The following PTPRR variants were observed in gnomAD, a reference collection of about 807,000 sequenced individuals.
PTPRR encodes the protein receptor-type tyrosine-protein phosphatase R.
In PTPRR, 38 loss-of-function variants were observed where a neutral mutation model predicts 77.2. That is an observed-to-expected ratio of 0.49 (90% CI 0.38 to 0.65). The LOEUF (loss-of-function observed/expected upper bound fraction) is 0.65. Ranked by LOEUF, PTPRR falls within the 30% of genes least tolerant of loss-of-function variation. The pLI, the probability that PTPRR is intolerant of heterozygous loss-of-function variation, is 0.00. For synonymous variants in PTPRR, 299 were observed against 283.1 expected (o/e 1.06, Z -0.57); for missense variants, 744 against 799.2 (o/e 0.93, Z 0.83).
At chr12:70,765,792 G>T (rs1209921196) in intron 2 of PTPRR, among the ~76,000 whole-genome samples, 1 of 152,172 alleles carries the variant, frequency 6.6e-6, no homozygotes, top group Admixed American at 6.5e-5. Flanking sequence ...ACCTCACACA[G>T]CCGGGTACTC....
At chr12:70,748,250 C>G (rs1890275136) in intron 5 of PTPRR, among the ~76,000 whole-genome samples, 1 of 152,132 alleles carries the variant, frequency 6.6e-6, no homozygotes, top group African/African-American at 2.4e-5. Context: ...AACCTAGAAT[C>G]CAAGTTTTGT....
chr12:70,773,014 G>A (rs1463663349), intron 2 of PTPRR, among the ~76,000 whole-genome samples: 2 of 152,076 alleles, frequency 1.3e-5, no homozygotes, highest in Non-Finnish European at 1.5e-5. Flanking sequence ...AGCTTCTGGT[G>A]TTTGCCAGCA....
chr12:70,836,592 C>T (rs181979332), intron 2 of PTPRR, among the ~76,000 whole-genome samples: 92 of 152,066 alleles, frequency 6.0e-4, no homozygotes, highest in African/African-American at 2.2e-3. Flanking sequence ...CCATTAGGAT[C>T]ACTATGTTCA....
Position 70,673,019 on chromosome 12 carries a change from G to A in PTPRR, c.1498-10414C>T, listed in dbSNP as rs116383369. 81 of 1,031,314 alleles carry A rather than the reference G, an allele frequency of 7.9e-5. No homozygotes were observed. In the African/African-American group the frequency reaches 9.6e-4, roughly 12 times the overall value. The allele number at this position is 1,031,314 out of a possible 1,614,324, so 63.9% of individuals were successfully genotyped here. On this transcript the variant is annotated intron_variant, in intron 10 of 13. Transcript: ENST00000283228. Reference sequence around the variant, plus strand: ...GGATAGAGCTCTCTTCAATAAATACGTCGGGCCAAAGCAAAAAAAAAAAAA... The same window carrying A: ...GGATAGAGCTCTCTTCAATAAATACATCGGGCCAAAGCAAAAAAAAAAAAA...
chr12:70,780,355 A>G (rs900998203), intron 2 of PTPRR, among the ~76,000 whole-genome samples: 2 of 152,200 alleles, frequency 1.3e-5, no homozygotes, highest in Non-Finnish European at 2.9e-5. Context: ...AATTAAATTC[A>G]AATGTATCCA....
At chr12:70,691,998 T>C (rs1410999182) in intron 8 of PTPRR, among the ~76,000 whole-genome samples, 2 of 152,222 alleles carry the variant, frequency 1.3e-5, no homozygotes, top group African/African-American at 2.4e-5. Context: ...CTGTAAATCA[T>C]TACCTCTATA....
At chr12:70,801,983 C>T (rs921726672) in intron 2 of PTPRR, among the ~76,000 whole-genome samples, 9 of 152,030 alleles carry the variant, frequency 5.9e-5, no homozygotes, top group Admixed American at 2.0e-4. Context: ...GCAGGGGTGT[C>T]GCAGAGTAGG....
chr12:70,816,604 TA>T (rs1891906712), intron 2 of PTPRR, among the ~76,000 whole-genome samples: 3 of 152,062 alleles, frequency 2.0e-5, no homozygotes, highest in African/African-American at 4.8e-5. Flanking sequence ...CTTTTATAAA[TA>T]AACCAGCACA....
At position 70,834,815 on chromosome 12, in the gene PTPRR, C is replaced by T. The variant is rs557480048; in HGVS notation, c.357+57864G>A. The stretch of plus-strand genomic sequence containing the variant: ...ATTTATCATTCTACAGATAAGGCAT[C>T]CTGATCATTTGCCTTCCTGGCTAGA... On this transcript the variant is annotated intron_variant, in intron 2 of 13. Transcript: ENST00000283228. Among the ~76,000 whole-genome samples the T allele has an allele frequency of 2.8e-3, 421 of 152,160 alleles. 1 individual carries two copies. Among genetic ancestry groups the T allele is most frequent in the Non-Finnish European group, 3.9e-3 (266 of 67,948 alleles).
chr12:70,710,788 A>C (rs1032337048), intron 6 of PTPRR, among the ~76,000 whole-genome samples: 6 of 152,216 alleles, frequency 3.9e-5, no homozygotes, highest in Non-Finnish European at 8.8e-5. Context: ...GTCAACAATC[A>C]TATGAAAAAA....
intron 4 of PTPRR, among the ~76,000 whole-genome samples, chr12:70,761,208 T>C (rs1408763482): frequency 6.6e-6 from 1 of 152,198 alleles, no homozygotes; most frequent in Non-Finnish European, 1.5e-5. Context: ...GAAAATTTAC[T>C]GGATAAGTCA....
intron 2 of PTPRR, among the ~76,000 whole-genome samples, chr12:70,854,489 T>C (rs115248446): frequency 0.015 from 2,216 of 152,348 alleles, 59 homozygotes; most frequent in African/African-American, 0.05. Context: ...AAGAGGTGTA[T>C]GCTTAGTGTT....
intron 4 of PTPRR, among the ~76,000 whole-genome samples, chr12:70,760,684 T>C (rs71454293): frequency 2.0e-5 from 3 of 152,332 alleles, no homozygotes; most frequent in Admixed American, 6.5e-5. Context: ...GCCTCTCTTG[T>C]TCTGTCACCT....
rs536381944 is a variant in PTPRR at position 70,672,388 on chromosome 12, C to A, written c.1498-9783G>T. On this transcript the variant is annotated intron_variant, in intron 10 of 13. Transcript: ENST00000283228. ...TCCCATCAGAGAGCCAGGAGGTAGA[C>A]TGGGAAGTGGAGCAGCTGTGGTCAT... 304 of 1,257,744 alleles carry A rather than the reference C, an allele frequency of 2.4e-4. 3 individuals carry two copies. The South Asian group carries it at 3.4e-3, about 14-fold the overall frequency. The allele number at this position is 1,257,744 out of a possible 1,614,324, so 77.9% of individuals were successfully genotyped here. A position where few individuals can be genotyped will look rare whatever the true frequency, so the allele number is the denominator to read the frequency against.
At chr12:70,831,897 C>G (rs551124014) in intron 2 of PTPRR, among the ~76,000 whole-genome samples, 1 of 152,306 alleles carries the variant, frequency 6.6e-6, no homozygotes, top group Admixed American at 6.5e-5. Flanking sequence ...TTGTAGCACT[C>G]TAATTATATT....
chr12:70,733,443 AAAGAAAG>A (rs1565672241), intron 6 of PTPRR, among the ~76,000 whole-genome samples: 172 of 92,596 alleles, frequency 1.9e-3, no homozygotes, highest in Non-Finnish European at 3.2e-3. Context: ...AAAAAAAAAA[AAAGAAAG>A]AAAAAAAGAA....
At chr12:70,726,938 C>T (rs1454715407) in intron 6 of PTPRR, among the ~76,000 whole-genome samples, 1 of 151,878 alleles carries the variant, frequency 6.6e-6, no homozygotes, top group African/African-American at 2.4e-5. Context: ...TCCAATATTT[C>T]TAAGATTTGT....
intron 8 of PTPRR, among the ~76,000 whole-genome samples, chr12:70,697,499 T>C (rs549224098): frequency 2.6e-5 from 4 of 152,282 alleles, no homozygotes; most frequent in African/African-American, 2.4e-5. Context: ...TTTATTTTCT[T>C]CCATTCTATG....
intron 2 of PTPRR, among the ~76,000 whole-genome samples, chr12:70,886,721 CAT>C (rs1893246207): frequency 6.6e-6 from 1 of 152,100 alleles, no homozygotes; most frequent in Non-Finnish European, 1.5e-5. Flanking sequence ...CATATTCAAT[CAT>C]ATTTTCTTGA....
Sources: gnomAD v4.1 joint callset for allele counts (sites outside exome capture counted in the v4.1 genomes callset) on GRCh38, gnomAD v4.1.1 for gene constraint, MANE v1.5 for transcripts, NCBI Gene and HGNC (gene_info 2026-07-23, HGNC 2026-07-21) for gene names.